RELN: variants seen among roughly 807,000 people sequenced by gnomAD.
The protein encoded by RELN is reelin.
A neutral mutation model predicts 427.6 loss-of-function variants in RELN; 108 were observed. The observed-to-expected ratio is 0.25, with a 90% CI of 0.22 to 0.30. RELN has a LOEUF of 0.30. Among genes scored for constraint, RELN ranks in the 10% least tolerant of loss-of-function variants. The probability of loss-of-function intolerance (pLI) is 1.00; values close to 1 mark genes in which losing one functional copy is unlikely to be tolerated. For synonymous variants in RELN, 1,524 were observed against 1,513.4 expected (o/e 1.01, Z -0.16); for missense variants, 3,715 against 4,302.8 (o/e 0.86, Z 3.82).
Position 103,551,364 on chromosome 7 carries a change from TCATTATTTTCTAGGGTC to T in RELN, c.6073-85_6073-69del, listed in dbSNP as rs1216630837. 1.9e-5 allele frequency: 21 copies of T among 1,086,916 alleles called. No homozygotes were observed. In the African/African-American group the frequency reaches 3.3e-4, roughly 17 times the overall value. 67.3% of individuals were successfully genotyped at this position (1,086,916 alleles called of 1,614,324 possible). A position where few individuals can be genotyped will look rare whatever the true frequency, so the allele number is the denominator to read the frequency against. On this transcript the variant is annotated intron_variant, in intron 40 of 64. Transcript: ENST00000428762. ...ACAAGCCTTGAAATGATTCACCACT[TCATTATTTTCTAGGGTC>T]CATTTTCCTGGGAACTGTCTTGCTG... is the stretch of plus-strand genomic sequence containing the variant.
chr7:103,908,615 G>A (rs1424192058), intron 2 of RELN, among the ~76,000 whole-genome samples: 1 of 152,086 alleles, frequency 6.6e-6, no homozygotes, highest in Non-Finnish European at 1.5e-5. Flanking sequence ...CAATTTATTG[G>A]TTAATTAATT....
chr7:103,625,155 C>T (rs190388949), intron 20 of RELN, among the ~76,000 whole-genome samples: 350 of 152,280 alleles, frequency 2.3e-3, no homozygotes, highest in Non-Finnish European at 3.9e-3. Flanking sequence ...GATAAACAGG[C>T]TTTTAGGATC....
In RELN at chr7:103,655,211, C is replaced by T. The variant is rs1227772578; in HGVS notation, c.1442-1006G>A. Among the ~76,000 whole-genome samples, 3 of 152,008 alleles carry T rather than the reference C, an allele frequency of 2.0e-5. No individual in the cohort carries two copies. In the South Asian group the frequency reaches 6.2e-4, roughly 32 times the overall value. ...TAACTAGAAGCCTCTCTTAAGCCAC[C>T]ATTATCCTTCATAATAGTACCAACC... is the stretch of plus-strand genomic sequence containing the variant. On this transcript the variant is annotated intron_variant, in intron 12 of 64. Coordinates refer to ENST00000428762, the MANE Select transcript of RELN (RefSeq NM_005045.4).
intron 2 of RELN, among the ~76,000 whole-genome samples, chr7:103,854,892 A>G (rs1793907342): frequency 6.6e-6 from 1 of 152,230 alleles, no homozygotes; most frequent in African/African-American, 2.4e-5. Context: ...AGATTAGTGC[A>G]CAAACATCAA....
intron 61 of RELN, chr7:103,484,650 ATTTTCGACTTTCAAAGATGTATCCTC>A (rs1828363436): frequency 6.6e-6 from 1 of 152,184 alleles, no homozygotes; most frequent in African/African-American, 2.4e-5. Flanking sequence ...TACACAAAGT[ATTTTCGACTTTCAAAGATGTATCCTC>A]TTTTCATGAT....
chr7:103,604,822 CCTAT>C (rs1479851082), intron 22 of RELN, among the ~76,000 whole-genome samples: 3 of 144,664 alleles, frequency 2.1e-5, no homozygotes, highest in African/African-American at 5.2e-5. Flanking sequence ...CTAAACTGAA[CCTAT>C]CTTTCTTTTT....
chr7:103,904,181 G>A (rs1795143710), intron 2 of RELN, among the ~76,000 whole-genome samples: 2 of 152,104 alleles, frequency 1.3e-5, no homozygotes, highest in Non-Finnish European at 2.9e-5. Context: ...CAAAGGACAT[G>A]ATCTCATTCC....
rs552752822 is a variant in RELN, at chr7:103,663,978, G to A, written c.1290-2451C>T. Among the ~76,000 whole-genome samples the A allele has an allele frequency of 2.0e-5, 3 of 152,184 alleles. No individual in the cohort carries two copies. The East Asian group carries it at 5.8e-4, about 29-fold the overall frequency. On this transcript the variant is annotated intron_variant, in intron 11 of 64. Coordinates refer to ENST00000428762, the MANE Select transcript of RELN (RefSeq NM_005045.4). Reference sequence around the variant, plus strand: ...CTCTACCCTTGCTACCAGTCTGTCCGATTCCTTTTCCCTCACCTTTTCAAG... The same window carrying A: ...CTCTACCCTTGCTACCAGTCTGTCCAATTCCTTTTCCCTCACCTTTTCAAG...
At chr7:103,660,112 A>G (rs537471535) in intron 12 of RELN, among the ~76,000 whole-genome samples, 1 of 152,312 alleles carries the variant, frequency 6.6e-6, no homozygotes, top group South Asian at 2.1e-4. Flanking sequence ...TCTCATATAA[A>G]TCACCAAATA....
intron 40 of RELN, 33 bp from the exon 41 acceptor site, chr7:103,551,329 C>G (rs1291550139): frequency 6.8e-7 from 1 of 1,470,584 alleles, no homozygotes; most frequent in African/African-American, 1.4e-5. Flanking sequence ...ATACAAATTA[C>G]CTCAGAGCAA....
intron 6 of RELN, among the ~76,000 whole-genome samples, chr7:103,739,034 C>T (rs562211578): frequency 6.6e-6 from 1 of 152,110 alleles, no homozygotes; most frequent in Non-Finnish European, 1.5e-5. Context: ...GTTGTTGCGA[C>T]TGACAATAAT....
intron 1 of RELN, among the ~76,000 whole-genome samples, chr7:103,940,971 A>T (rs1796100435): frequency 6.6e-6 from 1 of 152,100 alleles, no homozygotes; most frequent in Non-Finnish European, 1.5e-5. Context: ...ATTAATAGTA[A>T]CCTCTAATTC....
chr7:103,635,628 T>G (rs547935894), intron 18 of RELN, 42 bp from the exon 19 acceptor site: 1 of 1,529,304 alleles, frequency 6.5e-7, no homozygotes, highest in Non-Finnish European at 9.1e-7. Flanking sequence ...CATAAACATT[T>G]TTAATCATAA....
chr7:103,553,693 C>T lies in RELN; in HGVS notation c.5936G>A (p.Gly1979Asp), dbSNP rs1383865192. 3.7e-6 allele frequency: 6 copies of T among 1,613,982 alleles called. No homozygotes were observed. The highest frequency in any genetic ancestry group is 3.3e-5 in the Admixed American group (2 of 60,004). ...NWFFYPGGNI[G>D]LYCPYSSKGA... ...CTTTGAAGAATATGGACAATAAAGA[C>T]CGATGTTACCACCAGGATAGAAAAA... is the stretch of plus-strand genomic sequence containing the variant. The change falls in exon 39 of 65, where the codon GGT becomes GAT. Residue 1979 changes from glycine to aspartate, a missense_variant. Gly to Asp is a moderately conservative substitution (Grantham distance 94). Around this residue, in one of 4 missense-constraint regions of RELN, gnomAD observed 1,310 missense variants for 1,643.0 expected, o/e 0.80. Transcript: ENST00000428762.
rs1229943471 is a variant in RELN at position 103,610,689 on chromosome 7, T to C, written c.3008+6A>G. 2 of 1,407,416 alleles carry C rather than the reference T, an allele frequency of 1.4e-6. No homozygotes were observed. The highest frequency in any genetic ancestry group is 2.0e-6 in the Non-Finnish European group (2 of 992,110). 87.2% of individuals were successfully genotyped at this position (1,407,416 alleles called of 1,614,324 possible). ...GTGACAGCCATATCTAAAGATGTCA[T>C]CTCACCAAGTTTTCTGGGGAAGAAG... is the stretch of plus-strand genomic sequence containing the variant. On this transcript the variant is annotated splice_donor_region_variant and intron_variant, in intron 22 of 64. Transcript: ENST00000428762.
At chr7:103,945,206 G>C (rs149672184) in intron 1 of RELN, among the ~76,000 whole-genome samples, 47 of 152,192 alleles carry the variant, frequency 3.1e-4, no homozygotes, top group African/African-American at 1.1e-3. Context: ...AAGAACAGCA[G>C]AACAAAATTG....
chr7:103,749,332 T>G (rs1023909392), intron 6 of RELN, 94 bp downstream of exon 6: 70 of 964,394 alleles, frequency 7.3e-5, no homozygotes, highest in Non-Finnish European at 1.2e-4. Flanking sequence ...GCACTAAAGA[T>G]CAACTTAATT....
intron 1 of RELN, among the ~76,000 whole-genome samples, chr7:103,970,380 G>C (rs987015991): frequency 3.3e-5 from 5 of 152,098 alleles, no homozygotes; most frequent in African/African-American, 1.2e-4. Flanking sequence ...CTGACCTCAA[G>C]TGAATTCGCC....
intron 60 of RELN, among the ~76,000 whole-genome samples, chr7:103,489,005 A>G (rs1828547000): frequency 6.6e-6 from 1 of 152,220 alleles, no homozygotes; most frequent in African/African-American, 2.4e-5. Context: ...TAACTATGGA[A>G]AGCGAACTTT....
Sources: gnomAD v4.1 joint callset for allele counts (sites outside exome capture counted in the v4.1 genomes callset) on GRCh38, gnomAD v4.1.1 for gene constraint, gnomAD v4.1.1 regional missense constraint, MANE v1.5 for transcripts, NCBI Gene and HGNC (gene_info 2026-07-23, HGNC 2026-07-21) for gene names.